The following DPP6 variants were observed in gnomAD, a reference collection of about 807,000 sequenced individuals.
DPP6 encodes the protein dipeptidyl peptidase like 6, also known as A-type potassium channel modulatory protein DPP6.
DPP6 carries 69 observed loss-of-function variants against 122.6 expected under a neutral mutation model. That is an observed-to-expected ratio of 0.56 (90% CI 0.46 to 0.69). The LOEUF (loss-of-function observed/expected upper bound fraction) is 0.69. Among genes scored for constraint, DPP6 ranks in the 30% least tolerant of loss-of-function variants. DPP6 has a pLI of 0.00. For synonymous variants in DPP6, 418 were observed against 433.1 expected (o/e 0.97, Z 0.43); for missense variants, 928 against 1,116.9 (o/e 0.83, Z 2.41).
chr7:154,085,748 G>A (rs1016585988), intron 1 of DPP6, among the ~76,000 whole-genome samples: 1 of 152,042 alleles, frequency 6.6e-6, no homozygotes, highest in East Asian at 1.9e-4. Flanking sequence ...TATTTTTTGA[G>A]ATGGAGTCTC....
At chr7:154,523,655 G>T (rs892164898) in intron 3 of DPP6, among the ~76,000 whole-genome samples, 1 of 152,038 alleles carries the variant, frequency 6.6e-6, no homozygotes, top group African/African-American at 2.4e-5. Flanking sequence ...TGGTAGAATG[G>T]CTCCTCTTTT....
At chr7:153,873,509 C>A in the DPP6 span, among the ~76,000 whole-genome samples, 6 of 152,222 alleles carry the variant, frequency 3.9e-5, no homozygotes, top group African/African-American at 1.2e-4. Context: ...AAAAAAAATT[C>A]TAACCGTTCC....
At chr7:154,105,387 C>T (rs746970752) in intron 1 of DPP6, among the ~76,000 whole-genome samples, 1 of 152,178 alleles carries the variant, frequency 6.6e-6, no homozygotes, top group Non-Finnish European at 1.5e-5. Context: ...CGAGGCTGCT[C>T]ACTGCGGAGC....
intron 1 of DPP6, among the ~76,000 whole-genome samples, chr7:154,281,388 G>T (rs987672305): frequency 1.1e-4 from 16 of 152,216 alleles, no homozygotes; most frequent in African/African-American, 3.9e-4. Flanking sequence ...CCCAGGATGT[G>T]GTGGGCTCTC....
At chr7:153,818,733 T>C in the DPP6 span, among the ~76,000 whole-genome samples, 2 of 151,742 alleles carry the variant, frequency 1.3e-5, no homozygotes, top group African/African-American at 4.9e-5. Context: ...AGCAAGTAGA[T>C]TGAAGTGGGC....
At chr7:153,916,412 TCCTCC>T (rs940975832) in intron 1 of DPP6, among the ~76,000 whole-genome samples, 2 of 83,050 alleles carry the variant, frequency 2.4e-5, no homozygotes, top group Non-Finnish European at 4.6e-5. Flanking sequence ...CCCTCCTCTC[TCCTCC>T]CCTCCCCTCC....
chr7:154,551,249 T>C (rs1165548001), intron 4 of DPP6, among the ~76,000 whole-genome samples: 6 of 152,228 alleles, frequency 3.9e-5, no homozygotes, highest in Admixed American at 3.9e-4. Flanking sequence ...AACAAATCTA[T>C]CTTTTGTTTG....
chr7:154,743,678 T>C (rs1386430742), intron 8 of DPP6, among the ~76,000 whole-genome samples: 1 of 152,132 alleles, frequency 6.6e-6, no homozygotes, highest in East Asian at 1.9e-4. Flanking sequence ...ACGCAGGGGA[T>C]TGGTTCCAGG....
intron 1 of DPP6, among the ~76,000 whole-genome samples, chr7:154,042,293 G>C (rs1333401386): frequency 6.6e-6 from 1 of 152,146 alleles, no homozygotes; most frequent in African/African-American, 2.4e-5. Flanking sequence ...ATATTGGCAG[G>C]TAAATAAGTG....
the DPP6 span, among the ~76,000 whole-genome samples, chr7:153,817,772 G>T: frequency 2.4e-5 from 3 of 125,574 alleles, no homozygotes; most frequent in Non-Finnish European, 3.4e-5. Context: ...GTCGTGGGGT[G>T]GGGGGAGGGG....
chr7:153,791,420 C>CT, the DPP6 span, among the ~76,000 whole-genome samples: 91 of 24,240 alleles, frequency 3.8e-3, 1 homozygote, highest in African/African-American at 8.6e-3. Flanking sequence ...TCCTTCCTTC[C>CT]TTTCTTTTTT....
At chr7:154,274,025 A>G (rs1165831135) in intron 1 of DPP6, among the ~76,000 whole-genome samples, 1 of 152,180 alleles carries the variant, frequency 6.6e-6, no homozygotes, top group Non-Finnish European at 1.5e-5. Flanking sequence ...TGTCTTGTTG[A>G]GGGTTGGCTG....
Position 154,540,697 on chromosome 7 carries a change from C to T in DPP6, c.552+71C>T. The stretch of plus-strand genomic sequence containing the variant: ...TGCAAGTCAATAAAACAGAAAATGA[C>T]TTTTGGTTTCAACTTTTAGCATAGC... On this transcript the variant is annotated intron_variant, in intron 4 of 25. Coordinates refer to ENST00000377770, the MANE Select transcript of DPP6 (RefSeq NM_130797.4). 4 of 963,646 alleles carry T rather than the reference C, an allele frequency of 4.2e-6. No individual in the cohort carries two copies. In the East Asian group the frequency reaches 8.2e-5, roughly 20 times the overall value. The allele number at this position is 963,646 out of a possible 1,614,324, so 59.7% of individuals were successfully genotyped here.
At chr7:154,424,668 T>C (rs537697308) in intron 1 of DPP6, among the ~76,000 whole-genome samples, 1 of 152,326 alleles carries the variant, frequency 6.6e-6, no homozygotes, top group South Asian at 2.1e-4. Context: ...TCACGTAACG[T>C]AGCCACAGGT....
intron 13 of DPP6, among the ~76,000 whole-genome samples, chr7:154,803,082 G>T (rs546678509): frequency 6.6e-6 from 1 of 151,832 alleles, no homozygotes. Flanking sequence ...CGCTGTCTGC[G>T]CCCCCAGGCC....
At chr7:154,659,744 G>A (rs866220397) in intron 6 of DPP6, among the ~76,000 whole-genome samples, 2 of 152,342 alleles carry the variant, frequency 1.3e-5, no homozygotes, top group South Asian at 2.1e-4. Context: ...TTTGAAGACA[G>A]ATTGCCACGA....
intron 21 of DPP6, chr7:154,884,656 T>G (rs1240403941): frequency 1.5e-5 from 2 of 129,896 alleles, no homozygotes; most frequent in Non-Finnish European, 1.6e-5. Context: ...TACCCATACA[T>G]GCTCACACAC....
intron 1 of DPP6, among the ~76,000 whole-genome samples, chr7:154,289,655 T>C (rs2150962657): frequency 6.6e-6 from 1 of 152,300 alleles, no homozygotes; most frequent in East Asian, 1.9e-4. Context: ...AACTCATAAA[T>C]AAACTGCGTG....
chr7:154,241,613 C>T lies in DPP6; in HGVS notation c.243+188550C>T, dbSNP rs1801622932. 6.6e-6 allele frequency among the ~76,000 whole-genome samples: 1 copy of T among 152,056 alleles called. No individual in the cohort carries two copies. The highest frequency in any genetic ancestry group is 2.4e-5 in the African/African-American group (1 of 41,382). Reference sequence around the variant, plus strand: ...CATCCCCATCTACTCCAAAATGCCTCCCTATTTATTCTTATATTGATTAAT... The same window carrying T: ...CATCCCCATCTACTCCAAAATGCCTTCCTATTTATTCTTATATTGATTAAT... On this transcript the variant is annotated intron_variant, in intron 1 of 25. Transcript: ENST00000377770. This position sits in a 1 kb window ranked among gnomAD's most constrained non-coding sequence, Gnocchi z 9.0.
Sources: gnomAD v4.1 joint callset for allele counts (sites outside exome capture counted in the v4.1 genomes callset) on GRCh38, gnomAD v4.1.1 for gene constraint, Gnocchi (gnomAD v3.1) non-coding constraint, MANE v1.5 for transcripts, NCBI Gene and HGNC (gene_info 2026-07-23, HGNC 2026-07-21) for gene names.